CC2D2B: variants seen among roughly 807,000 people sequenced by gnomAD.
CC2D2B encodes protein CC2D2B.
Under a neutral mutation model 161.2 loss-of-function variants are expected in CC2D2B, and 128 were observed. That is an observed-to-expected ratio of 0.79 (90% confidence interval 0.69 to 0.92). The LOEUF (loss-of-function observed/expected upper bound fraction) is 0.92, where lower values mean the gene tolerates loss of function less well. Among genes scored for constraint, CC2D2B ranks in the 40% least tolerant of loss-of-function variants. The probability of loss-of-function intolerance (pLI) is 0.00; values close to 1 mark genes in which losing one functional copy is unlikely to be tolerated. For missense variants in CC2D2B, 1,173 were observed against 1,375.1 expected (o/e 0.85, Z 2.32); for synonymous variants, 391 against 449.8 (o/e 0.87, Z 1.65).
chr10:95,952,835 C>A (rs938690151), intron 10 of CC2D2B, among the ~76,000 whole-genome samples: 2 of 152,056 alleles, frequency 1.3e-5, no homozygotes, highest in African/African-American at 4.8e-5. Flanking sequence ...AGTGAATATC[C>A]TTGTACCTAT....
chr10:95,913,763 T>C (rs2141110490), intron 2 of CC2D2B, among the ~76,000 whole-genome samples: 1 of 152,352 alleles, frequency 6.6e-6, no homozygotes, highest in South Asian at 2.1e-4. Flanking sequence ...TTGTATGTCT[T>C]CTTTTGAGAA....
At chr10:95,959,360 A>G (rs1263081791) in intron 11 of CC2D2B, among the ~76,000 whole-genome samples, 2 of 152,196 alleles carry the variant, frequency 1.3e-5, no homozygotes, top group South Asian at 2.1e-4. Context: ...CGGGAACTCT[A>G]CAGGTAGGGC....
chr10:95,993,819 G>A (rs1347121882), intron 22 of CC2D2B, among the ~76,000 whole-genome samples: 1 of 139,154 alleles, frequency 7.2e-6, no homozygotes, highest in Non-Finnish European at 1.5e-5. Flanking sequence ...TATATAGAGT[G>A]TATATATAAA....
At chr10:96,015,161 T>G (rs981927869) in intron 29 of CC2D2B, among the ~76,000 whole-genome samples, 8 of 151,520 alleles carry the variant, frequency 5.3e-5, no homozygotes, top group African/African-American at 1.9e-4. Flanking sequence ...AACTCCCTAG[T>G]TCAAGCAATT....
chr10:95,909,603 A>G (rs1183719626), intron 1 of CC2D2B, among the ~76,000 whole-genome samples: 1 of 152,246 alleles, frequency 6.6e-6, no homozygotes, highest in Non-Finnish European at 1.5e-5. Flanking sequence ...TTCTAACAAG[A>G]GCCAGGGGAA....
chr10:95,911,241 G>C, intron 1 of CC2D2B, 60 bp from the exon 2 acceptor site: 1 of 215,692 alleles, frequency 4.6e-6, no homozygotes, highest in South Asian at 1.6e-4. Flanking sequence ...TTAACCTCAA[G>C]TATCACAAGT....
chr10:95,999,975 T>C, intron 24 of CC2D2B: 1 of 782,054 alleles, frequency 1.3e-6, no homozygotes, highest in Non-Finnish European at 2.0e-6. Context: ...ATGTGCTCAA[T>C]ACACACATTA....
intron 25 of CC2D2B, among the ~76,000 whole-genome samples, chr10:96,006,078 G>A (rs1332667253): frequency 6.6e-6 from 1 of 151,654 alleles, no homozygotes; most frequent in Non-Finnish European, 1.5e-5. Flanking sequence ...TACTGAAATT[G>A]TTTTTACTTT....
At position 96,009,836 on chromosome 10, in the gene CC2D2B, CAA is replaced by C; in HGVS notation, c.2959_2960del (p.Lys987GlufsTer3). 6.4e-7 allele frequency: 1 copy of C among 1,558,702 alleles called. No homozygotes were observed. The highest frequency in any genetic ancestry group is 8.7e-7 in the Non-Finnish European group (1 of 1,144,476). Reference sequence around the variant, plus strand: ...ATTTATTTTCATAGGATCACTGTCTCAAGAGCTGTAGTGGTCACTCATATATA... The same window carrying C: ...ATTTATTTTCATAGGATCACTGTCTCGAGCTGTAGTGGTCACTCATATATA... Reference protein sequence around the residue: ...MTEKHEDHCLKSCSGHSYIRK... With the variant: ...MTEKHEDHCLXSCSGHSYIRK... On this transcript the variant is annotated frameshift_variant, in exon 26 of 35. Coordinates refer to ENST00000646931, the MANE Select transcript of CC2D2B (RefSeq NM_001349008.3). LOFTEE classifies it high-confidence loss of function.
Position 95,927,548 on chromosome 10 carries a change from T to C in CC2D2B, c.336+216T>C, listed in dbSNP as rs72813642. On this transcript the variant is annotated intron_variant, in intron 6 of 34. Coordinates refer to ENST00000646931, the MANE Select transcript of CC2D2B (RefSeq NM_001349008.3). Reference sequence around the variant, plus strand: ...ATTACTAAGTTTTTAACACGAATTGTAGCATTAAATCCTCATCTTAACCCT... The same window carrying C: ...ATTACTAAGTTTTTAACACGAATTGCAGCATTAAATCCTCATCTTAACCCT... 6.9e-3 allele frequency among the ~76,000 whole-genome samples: 1,044 copies of C among 152,272 alleles called. 8 individuals are homozygous for C. The highest frequency in any genetic ancestry group is 0.031 in the Middle Eastern group (9 of 294).
chr10:95,990,923 A>G (rs2077928507), intron 20 of CC2D2B, among the ~76,000 whole-genome samples: 1 of 152,220 alleles, frequency 6.6e-6, no homozygotes, highest in African/African-American at 2.4e-5. Context: ...GAGGTCTTAA[A>G]GTCAGAATAG....
intron 17 of CC2D2B, among the ~76,000 whole-genome samples, chr10:95,977,088 C>G (rs534949089): frequency 4.8e-4 from 51 of 105,854 alleles, no homozygotes; most frequent in African/African-American, 1.6e-3. Flanking sequence ...ACACACCTCT[C>G]CAGCTGGGCG....
chr10:95,983,545 T>C (rs925856083), intron 18 of CC2D2B, 61 bp from the exon 19 acceptor site: 8 of 792,220 alleles, frequency 1.0e-5, no homozygotes, highest in Non-Finnish European at 1.2e-5. Context: ...AAAAAGTCTT[T>C]TGAAGTAATT....
intron 2 of CC2D2B, chr10:95,919,403 T>A (rs1193702508): frequency 6.6e-6 from 1 of 152,232 alleles, no homozygotes; most frequent in Non-Finnish European, 1.5e-5. Flanking sequence ...ACTGCCTTGG[T>A]GGTCTTGGGA....
intron 9 of CC2D2B, among the ~76,000 whole-genome samples, chr10:95,947,545 T>C (rs1414127497): frequency 1.3e-5 from 2 of 152,002 alleles, no homozygotes; most frequent in South Asian, 2.1e-4. Flanking sequence ...AGATCAAGAC[T>C]ATCCTGGCCA....
chr10:95,995,252 T>C lies in CC2D2B; in HGVS notation c.2643-17T>C. 7.0e-7 allele frequency: 1 copy of C among 1,432,494 alleles called. No individual in the cohort carries two copies. Among genetic ancestry groups the C allele is most frequent in the Non-Finnish European group, 9.4e-7 (1 of 1,063,666 alleles). The allele number at this position is 1,432,494 out of a possible 1,614,324, so 88.7% of individuals were successfully genotyped here. A position where few individuals can be genotyped will look rare whatever the true frequency, so the allele number is the denominator to read the frequency against. ...AAACTAATTAAGGTGTATGTCTCTC[T>C]ATTGTTTTTCCTGAAGATCCTTGGA... On this transcript the variant is annotated splice_polypyrimidine_tract_variant and intron_variant, in intron 22 of 34. Transcript: ENST00000646931.
chr10:96,001,240 A>C (rs2078480832), intron 24 of CC2D2B, among the ~76,000 whole-genome samples: 2 of 152,200 alleles, frequency 1.3e-5, no homozygotes, highest in East Asian at 3.8e-4. Context: ...ATGTGTAGCT[A>C]TTAAACATCT....
chr10:95,976,018 T>C (rs2077300490), intron 17 of CC2D2B, among the ~76,000 whole-genome samples: 2 of 152,242 alleles, frequency 1.3e-5, no homozygotes, highest in Admixed American at 6.5e-5. Context: ...CTAACTTTTA[T>C]GCAGGTAATT....
At chr10:95,998,239 A>G (rs1259975969) in intron 24 of CC2D2B, among the ~76,000 whole-genome samples, 1 of 152,190 alleles carries the variant, frequency 6.6e-6, no homozygotes, top group African/African-American at 2.4e-5. Flanking sequence ...GATATTTGTT[A>G]CAATCAATGA....
Sources: allele counts gnomAD v4.1 joint callset (sites outside exome capture counted in the v4.1 genomes callset), GRCh38; gene constraint gnomAD v4.1.1; transcripts MANE v1.5; gene names NCBI Gene and HGNC (gene_info 2026-07-23, HGNC 2026-07-21).